Variants in JAZF1 observed in about 807,000 individuals in gnomAD.
JAZF1 encodes the protein JAZF zinc finger 1, also known as juxtaposed with another zinc finger protein 1.
In JAZF1, 8 loss-of-function variants were observed where a neutral mutation model predicts 26.4. That is an observed-to-expected ratio of 0.30 (90% CI 0.18 to 0.55). The LOEUF (loss-of-function observed/expected upper bound fraction) is 0.55, where lower values mean the gene tolerates loss of function less well. Among genes scored for constraint, JAZF1 ranks in the 20% least tolerant of loss-of-function variants. The pLI is 0.94. For synonymous variants in JAZF1, 126 were observed against 122.3 expected (o/e 1.03, Z -0.20); for missense variants, 199 against 322.0 (o/e 0.62, Z 2.92).
intron 1 of JAZF1, among the ~76,000 whole-genome samples, chr7:28,111,138 G>C (rs897676642): frequency 1.3e-5 from 2 of 152,100 alleles, no homozygotes; most frequent in African/African-American, 4.8e-5. Context: ...GATACAACCC[G>C]AGTATCAAAG....
At chr7:27,977,778 T>C (rs950177558) in intron 2 of JAZF1, among the ~76,000 whole-genome samples, 1 of 152,358 alleles carries the variant, frequency 6.6e-6, no homozygotes, top group African/African-American at 2.4e-5. Flanking sequence ...TTCTGACCTC[T>C]GCCTCCTCAG....
At chr7:27,954,977 C>T (rs1025002097) in intron 2 of JAZF1, among the ~76,000 whole-genome samples, 3 of 152,148 alleles carry the variant, frequency 2.0e-5, no homozygotes, top group Non-Finnish European at 4.4e-5. Context: ...AAGCTGGTCT[C>T]GTACTCCCGA....
chr7:27,916,903 T>C (rs1389498337), intron 2 of JAZF1, among the ~76,000 whole-genome samples: 2 of 152,330 alleles, frequency 1.3e-5, no homozygotes, highest in East Asian at 1.9e-4. Context: ...AAATACATTT[T>C]AGTGAGAAGG....
At chr7:28,003,088 T>C (rs1159130151) in intron 1 of JAZF1, among the ~76,000 whole-genome samples, 1 of 151,920 alleles carries the variant, frequency 6.6e-6, no homozygotes, top group Non-Finnish European at 1.5e-5. Flanking sequence ...TATTTGAAGG[T>C]TTTTCAATTA....
At chr7:27,889,921 A>G (rs1783940157) in intron 3 of JAZF1, among the ~76,000 whole-genome samples, 2 of 119,998 alleles carry the variant, frequency 1.7e-5, no homozygotes, top group Admixed American at 8.3e-5. Context: ...TGATAGAGTG[A>G]GACTTTCTCT....
At chr7:28,032,406 A>G (rs1303710577) in intron 1 of JAZF1, among the ~76,000 whole-genome samples, 1 of 152,370 alleles carries the variant, frequency 6.6e-6, no homozygotes, top group Middle Eastern at 3.4e-3. Context: ...TGTAAGACTC[A>G]CAGAGGATAA....
At chr7:28,108,260 T>C (rs894342841) in intron 1 of JAZF1, among the ~76,000 whole-genome samples, 3 of 152,190 alleles carry the variant, frequency 2.0e-5, no homozygotes, top group Non-Finnish European at 2.9e-5. Flanking sequence ...AATGCCCCGA[T>C]TGGATTAACC....
intron 1 of JAZF1, among the ~76,000 whole-genome samples, chr7:28,168,380 C>CAAA (rs11301939): frequency 1.3e-3 from 95 of 71,032 alleles, no homozygotes; most frequent in Non-Finnish European, 1.6e-3. Context: ...GACTCCGTCT[C>CAAA]AAAAAAAAAA....
At chr7:27,885,858 A>C (rs1389755041) in intron 3 of JAZF1, among the ~76,000 whole-genome samples, 2 of 152,220 alleles carry the variant, frequency 1.3e-5, no homozygotes, top group Non-Finnish European at 2.9e-5. Context: ...GACCAAAAAT[A>C]AACATGCACA....
intron 1 of JAZF1, among the ~76,000 whole-genome samples, chr7:28,092,240 A>G (rs1784309316): frequency 7.3e-6 from 1 of 137,284 alleles, no homozygotes; most frequent in Admixed American, 7.9e-5. Flanking sequence ...TTTTTTTTTA[A>G]CCTGACAGCA....
intron 1 of JAZF1, among the ~76,000 whole-genome samples, chr7:28,056,675 G>T (rs1166883550): frequency 6.6e-6 from 1 of 152,040 alleles, no homozygotes; most frequent in East Asian, 1.9e-4. Context: ...GCTCAGCTGG[G>T]GCTCAGGCTG....
chr7:27,863,573 G>A (rs113724820), intron 3 of JAZF1, among the ~76,000 whole-genome samples: 2,558 of 152,206 alleles, frequency 0.017, 77 homozygotes, highest in African/African-American at 0.059. Flanking sequence ...TGCTGTTTTC[G>A]TCTTTGCCAT....
At chr7:28,119,944 C>CAATG (rs1289287108) in intron 1 of JAZF1, among the ~76,000 whole-genome samples, 3 of 152,128 alleles carry the variant, frequency 2.0e-5, no homozygotes, top group African/African-American at 7.2e-5. Context: ...TTGATACATT[C>CAATG]AATGATGCCT....
At chr7:27,897,839 T>C (rs1190597950) in intron 2 of JAZF1, among the ~76,000 whole-genome samples, 1 of 152,198 alleles carries the variant, frequency 6.6e-6, no homozygotes, top group Non-Finnish European at 1.5e-5. Context: ...AGAAGGCGAC[T>C]TGTCCTCCAT....
intron 1 of JAZF1, among the ~76,000 whole-genome samples, chr7:27,994,441 CA>C (rs781162884): frequency 0.12 from 9,150 of 74,226 alleles, 926 homozygotes; most frequent in African/African-American, 0.29. Context: ...CTCTCCATCA[CA>C]AAAAAAAAAA....
chr7:28,065,907 G>A (rs1380426456), intron 1 of JAZF1, among the ~76,000 whole-genome samples: 3 of 152,150 alleles, frequency 2.0e-5, no homozygotes, highest in Non-Finnish European at 4.4e-5. Context: ...CAGGGGGTGG[G>A]ATGTTGAGCT....
chr7:27,875,918 A>G (rs955846546), intron 3 of JAZF1, among the ~76,000 whole-genome samples: 3 of 152,370 alleles, frequency 2.0e-5, no homozygotes, highest in East Asian at 1.9e-4. Context: ...CACATTTCCT[A>G]TATTTCCAGT....
chr7:27,963,564 C>CG (rs1785220748), intron 2 of JAZF1, among the ~76,000 whole-genome samples: 1 of 106,296 alleles, frequency 9.4e-6, no homozygotes, highest in Admixed American at 9.3e-5. Flanking sequence ...CAATTCCCCC[C>CG]CCCCCTTTTT....
At chr7:28,142,101 A>G (rs1782967537) in intron 1 of JAZF1, among the ~76,000 whole-genome samples, 1 of 152,240 alleles carries the variant, frequency 6.6e-6, no homozygotes, top group South Asian at 2.1e-4. Flanking sequence ...ATTTAAAAAT[A>G]TTAGGATTAC....
Sources: gnomAD v4.1 joint callset for allele counts (sites outside exome capture counted in the v4.1 genomes callset) on GRCh38, gnomAD v4.1.1 for gene constraint, MANE v1.5 for transcripts, NCBI Gene and HGNC (gene_info 2026-07-23, HGNC 2026-07-21) for gene names.